SLC3A2: variants seen among roughly 807,000 people sequenced by gnomAD.
The protein encoded by SLC3A2 is solute carrier family 3 member 2.
SLC3A2 carries 32 observed loss-of-function variants against 48.5 expected under a neutral mutation model. The observed-to-expected ratio is 0.66, with a 90% CI of 0.50 to 0.89. The LOEUF (loss-of-function observed/expected upper bound fraction) is 0.89, where lower values mean the gene tolerates loss of function less well. SLC3A2 is among the 40% of genes least tolerant of loss of function. The pLI is 0.00. For missense variants in SLC3A2, 587 were observed against 680.7 expected (o/e 0.86, Z 1.53); for synonymous variants, 277 against 288.8 (o/e 0.96, Z 0.41).
At chr11:62,859,884 G>A (rs1237988022) in intron 1 of SLC3A2, among the ~76,000 whole-genome samples, 1 of 152,110 alleles carries the variant, frequency 6.6e-6, no homozygotes, top group Non-Finnish European at 1.5e-5. Context: ...CTCGTCAGGT[G>A]GGACGAGAGA....
At chr11:62,888,088 T>G in intron 7 of SLC3A2, 47 bp from the exon 8 acceptor site, 1 of 1,542,016 alleles carries the variant, frequency 6.5e-7, no homozygotes, top group Non-Finnish European at 8.9e-7. Flanking sequence ...TGAGCCACCA[T>G]GCCTGACCCC....
At chr11:62,885,384 G>GA in intron 6 of SLC3A2, 27 bp downstream of exon 6, 1 of 1,614,042 alleles carries the variant, frequency 6.2e-7, no homozygotes, top group African/African-American at 1.3e-5. Flanking sequence ...TGGGAAAGGG[G>GA]GCAGATGGGA....
intron 1 of SLC3A2, among the ~76,000 whole-genome samples, chr11:62,870,374 G>T (rs991263263): frequency 6.0e-5 from 9 of 150,032 alleles, no homozygotes; most frequent in South Asian, 4.2e-4. Flanking sequence ...TAGAGATGGG[G>T]TTTTTTTTAC....
At position 62,881,837 on chromosome 11, in the gene SLC3A2, G is replaced by A. The variant is rs1006989743; in HGVS notation, c.425-56G>A. The A allele has an allele frequency of 6.3e-7, 1 of 1,581,854 alleles. No homozygotes were observed. Among genetic ancestry groups the A allele is most frequent in the African/African-American group, 1.4e-5 (1 of 73,842 alleles). ...TTAGGCGCTGGGAGAAGGGAGGGTG[G>A]GGAGGTCAGGGGCCTCTCAGAGGGG... On this transcript the variant is annotated intron_variant, in intron 1 of 8. Transcript: ENST00000338663. This position sits in a 1 kb window ranked among gnomAD's most constrained non-coding sequence, Gnocchi z 4.0.
chr11:62,880,970 G>C lies in SLC3A2; in HGVS notation c.-54G>C. The C allele has an allele frequency of 6.6e-7, 1 of 1,522,244 alleles. No homozygotes were observed. Among genetic ancestry groups the C allele is most frequent in the Non-Finnish European group, 8.8e-7 (1 of 1,134,748 alleles). The allele number at this position is 1,522,244 out of a possible 1,614,324, so 94.3% of individuals were successfully genotyped here. On this transcript the variant is annotated 5_prime_UTR_variant, in exon 1 of 9. Coordinates refer to ENST00000338663, the MANE Select transcript of SLC3A2 (RefSeq NM_001013251.3). ...TCTGGGTCCGAGGGTCCAGGTAGGGGTTGAGCCACCATCTGACCGCAAGCT... is the reference window on the plus strand; with the variant it reads ...TCTGGGTCCGAGGGTCCAGGTAGGGCTTGAGCCACCATCTGACCGCAAGCT...
intron 2 of SLC3A2, 48 bp downstream of exon 2, chr11:62,882,114 AG>A (rs1565253959): frequency 1.2e-6 from 2 of 1,606,514 alleles, no homozygotes; most frequent in East Asian, 2.2e-5. Context: ...GGACTTGGCC[AG>A]AGGAAAAGTA....
At position 62,866,482 on chromosome 11, in the gene SLC3A2, A is replaced by G. The variant is rs531230009; in HGVS notation, c.112+10101A>G. The stretch of plus-strand genomic sequence containing the variant: ...ACGATCTTGGCTCACTGTAAACTCT[A>G]TCTCCTGGGTCCAAGCTACTCTCGT... On this transcript the variant is annotated intron_variant, in intron 1 of 9. Coordinates refer to the SLC3A2 transcript ENST00000377889. 3.3e-5 allele frequency among the ~76,000 whole-genome samples: 5 copies of G among 150,834 alleles called. No individual in the cohort carries two copies. The East Asian group carries it at 7.8e-4, about 24-fold the overall frequency.
At chr11:62,880,128 A>G (rs767992619), upstream of SLC3A2, among the ~76,000 whole-genome samples, 2 of 152,172 alleles carry the variant, frequency 1.3e-5, no homozygotes, top group African/African-American at 4.8e-5. Context: ...CCTAGCTGCC[A>G]AACATCCAGG....
At chr11:62,867,322 C>CTTTTTTTTTTTTTTT (rs56758000) in intron 1 of SLC3A2, among the ~76,000 whole-genome samples, 14 of 67,632 alleles carry the variant, frequency 2.1e-4, no homozygotes, top group East Asian at 4.1e-4. Context: ...CTTTTCTTTT[C>CTTTTTTTTTTTTTTT]TTTTTTTTTT....
At chr11:62,856,394 G>A (rs1273502988) in intron 1 of SLC3A2, 9 of 1,593,352 alleles carry the variant, frequency 5.6e-6, no homozygotes, top group Admixed American at 1.7e-5. Flanking sequence ...ACTGGATCCC[G>A]GGCTAAGCTC....
At chr11:62,888,074 G>C in intron 7 of SLC3A2, 61 bp from the exon 8 acceptor site, 1 of 1,460,516 alleles carries the variant, frequency 6.8e-7, no homozygotes, top group Non-Finnish European at 9.6e-7. Flanking sequence ...TGGAATTACA[G>C]ATGTGAGCCA....
chr11:62,867,328 T>C (rs948295279), intron 1 of SLC3A2, among the ~76,000 whole-genome samples: 231 of 113,142 alleles, frequency 2.0e-3, no homozygotes, highest in East Asian at 0.015. Context: ...TTTTCTTTTT[T>C]TTTTTTTTTT....
chr11:62,886,459 A>G (rs1395306577), intron 7 of SLC3A2: 1 of 151,622 alleles, frequency 6.6e-6, no homozygotes, highest in Non-Finnish European at 1.5e-5. Context: ...TATGTCGCCC[A>G]GGCTGGAGTG....
At chr11:62,883,577 G>T (rs1323542103) in intron 3 of SLC3A2, 1 of 207,034 alleles carries the variant, frequency 4.8e-6, no homozygotes, top group East Asian at 1.2e-4. Flanking sequence ...TGTTCAGAAT[G>T]GGTAGAACAA....
intron 1 of SLC3A2, among the ~76,000 whole-genome samples, chr11:62,857,364 A>T (rs1006666110): frequency 6.8e-6 from 1 of 147,176 alleles, no homozygotes; most frequent in African/African-American, 2.5e-5. Flanking sequence ...ACCTCAGGTG[A>T]CCTCCTGCCT....
chr11:62,869,560 A>G (rs1398142325), intron 1 of SLC3A2, among the ~76,000 whole-genome samples: 13 of 143,328 alleles, frequency 9.1e-5, no homozygotes, highest in African/African-American at 2.8e-4. Context: ...TAGAATTTCT[A>G]TTTGGTGATT....
At chr11:62,880,851 C>T, upstream of SLC3A2, 5 of 1,363,184 alleles carry the variant, frequency 3.7e-6, no homozygotes, top group Non-Finnish European at 4.8e-6. Context: ...CGGGCCGGGG[C>T]GGGGCTCCGC....
chr11:62,875,282 C>T (rs182668123), intron 1 of SLC3A2, among the ~76,000 whole-genome samples: 2 of 152,256 alleles, frequency 1.3e-5, no homozygotes, highest in Admixed American at 6.5e-5. Flanking sequence ...CACGGTGGCT[C>T]ACGCCTGTAA....
At chr11:62,885,135 T>C in intron 5 of SLC3A2, 42 bp from the exon 6 acceptor site, 1 of 1,605,626 alleles carries the variant, frequency 6.2e-7, no homozygotes, top group South Asian at 1.1e-5. Context: ...CTGGCCCCAT[T>C]CTTTCTTGTG....
Sources: gnomAD v4.1 joint callset for allele counts (sites outside exome capture counted in the v4.1 genomes callset) on GRCh38, gnomAD v4.1.1 for gene constraint, Gnocchi (gnomAD v3.1) non-coding constraint, MANE v1.5 for transcripts, NCBI Gene and HGNC (gene_info 2026-07-23, HGNC 2026-07-21) for gene names.